STAC2: variants seen among roughly 807,000 people sequenced by gnomAD.
STAC2 encodes the protein SH3 and cysteine-rich domain-containing protein 2.
A neutral mutation model predicts 49.0 loss-of-function variants in STAC2; 36 were observed. That is an observed-to-expected ratio of 0.74 (90% CI 0.56 to 0.97). STAC2 has a LOEUF of 0.97. Among genes scored for constraint, STAC2 ranks in the 50% least tolerant of loss-of-function variants. The probability of loss-of-function intolerance (pLI) is 0.00; values close to 1 mark genes in which losing one functional copy is unlikely to be tolerated. For synonymous variants in STAC2, 239 were observed against 214.7 expected, an observed-to-expected ratio of 1.11 and a Z score of -0.99; for missense variants, 527 against 543.8, an observed-to-expected ratio of 0.97 and a Z score of 0.31.
intron 9 of STAC2, 107 bp downstream of exon 9, chr17:39,213,400 G>T: frequency 7.1e-7 from 1 of 1,407,414 alleles, no homozygotes; most frequent in African/African-American, 1.4e-5. Context: ...GGTTGGAGGA[G>T]AGGTTGTCTT....
chr17:39,218,202 G>C (rs1567832147), intron 1 of STAC2, 29 bp from the exon 2 acceptor site: 10 of 1,612,360 alleles, frequency 6.2e-6, no homozygotes, highest in African/African-American at 4.0e-5. Flanking sequence ...GCTGTGAGTG[G>C]GAGCCTAGAG....
intron 9 of STAC2, among the ~76,000 whole-genome samples, 183 bp from the exon 10 acceptor site, chr17:39,213,315 GACAA>G (rs1236325251): frequency 6.6e-6 from 1 of 152,194 alleles, no homozygotes; most frequent in Non-Finnish European, 1.5e-5. Context: ...TGAGCAGAGG[GACAA>G]AGCTGAGGCA....
intron 7 of STAC2, 76 bp downstream of exon 7, chr17:39,214,715 C>T: frequency 1.3e-6 from 2 of 1,526,958 alleles, no homozygotes; most frequent in South Asian, 2.4e-5. Flanking sequence ...TCTTGCCCCC[C>T]TATGAATCAA....
chr17:39,217,639 C>T (rs2046417466), intron 2 of STAC2, among the ~76,000 whole-genome samples: 1 of 152,054 alleles, frequency 6.6e-6, no homozygotes, highest in Admixed American at 6.6e-5. Context: ...AGGAGGATCC[C>T]TTGAGCCAGG....
chr17:39,221,391 G>A (rs377154213), intron 1 of STAC2, among the ~76,000 whole-genome samples: 10 of 152,274 alleles, frequency 6.6e-5, no homozygotes, highest in East Asian at 5.8e-4. Context: ...CAGCCACCGC[G>A]CCTGGCCAAG....
At chr17:39,214,649 G>T in intron 7 of STAC2, 142 bp downstream of exon 7, 2 of 1,170,436 alleles carry the variant, frequency 1.7e-6, no homozygotes, top group Non-Finnish European at 2.4e-6. Flanking sequence ...CTCTCATCCT[G>T]GCATTGCCCA....
intron 1 of STAC2, among the ~76,000 whole-genome samples, chr17:39,219,423 T>C (rs942900304): frequency 6.6e-6 from 1 of 152,176 alleles, no homozygotes; most frequent in African/African-American, 2.4e-5. Flanking sequence ...GAATTCTGTC[T>C]CATGACCCAC....
intron 2 of STAC2, 71 bp from the exon 3 acceptor site, chr17:39,217,244 G>T: frequency 6.8e-7 from 1 of 1,472,668 alleles, no homozygotes; most frequent in Non-Finnish European, 9.4e-7. Flanking sequence ...GCACATTAGG[G>T]GATGAGGAGA....
rs2046421623 is a variant in STAC2 at position 39,217,969 on chromosome 17, G to A, written c.295C>T (p.Pro99Ser). 3 of 1,592,140 alleles carry A rather than the reference G, an allele frequency of 1.9e-6. No homozygotes were observed. Among genetic ancestry groups the A allele is most frequent in the African/African-American group, 1.3e-5 (1 of 74,476 alleles). Reference protein sequence around the residue: ...ATPSPSPCPVPRPLAALKPVR... With the variant: ...ATPSPSPCPVSRPLAALKPVR... Reference sequence around the variant, plus strand: ...GGTTTGAGCGCTGCCAGGGGGCGTGGGACTGGGCATGGGGAGGGGGATGGG... The same window carrying A: ...GGTTTGAGCGCTGCCAGGGGGCGTGAGACTGGGCATGGGGAGGGGGATGGG... The change falls in exon 2 of 11, where the codon CCA (proline) becomes TCA (serine). Residue 99 changes from proline to serine, a missense_variant. By Grantham distance (74) the Pro-to-Ser change is moderately conservative. Coordinates refer to ENST00000333461, the MANE Select transcript of STAC2 (RefSeq NM_198993.5).
chr17:39,213,672 CTTTTTTTTTTT>C (rs767714627), intron 8 of STAC2, 114 bp from the exon 9 acceptor site: 4 of 373,566 alleles, frequency 1.1e-5, no homozygotes, highest in Admixed American at 4.3e-5. Flanking sequence ...AGAGACGATT[CTTTTTTTTTTT>C]TTTTTTTTTT....
Position 39,213,123 on chromosome 17 carries a change from C to T in STAC2, c.1003G>A (p.Gly335Ser), listed in dbSNP as rs1384132471. 1.4e-5 allele frequency: 22 copies of T among 1,608,050 alleles called. No homozygotes were observed. Among genetic ancestry groups the T allele is most frequent in the Admixed American group, 1.7e-5 (1 of 60,018 alleles). The change falls in exon 10 of 11, where the codon GGC becomes AGC. Residue 335 changes from glycine to serine, a missense_variant. Gly to Ser is a moderately conservative substitution (Grantham distance 56). Transcript: ENST00000333461. ...GCTGGGAAGAAGCCAACCCGGTCGCCGATCTTGCCCTGGGGATGAGGTTGG... is the reference window on the plus strand; with the variant it reads ...GCTGGGAAGAAGCCAACCCGGTCGCTGATCTTGCCCTGGGGATGAGGTTGG... ...SNEDWWKGKIGDRVGFFPANF... is the reference protein window; with the variant it reads ...SNEDWWKGKISDRVGFFPANF...
rs2046386617 is a variant in STAC2, at chr17:39,214,824, C to T, written c.810G>A (p.Gly270=). 1.2e-6 allele frequency: 2 copies of T among 1,614,090 alleles called. No individual in the cohort carries two copies. The highest frequency in any genetic ancestry group is 1.7e-6 in the Non-Finnish European group (2 of 1,179,984). Residue 270 remains glycine, a synonymous_variant, in exon 7 of 11, where the codon GGG becomes GGA. Transcript: ENST00000333461. ...PVFTAPAESE[G]PGPEEKSPGQ... Reference sequence around the variant, plus strand: ...CAGGACTCTTCTCCTCTGGTCCTGGCCCTTCACTCTCTGCTGGGGCTGTGA... The same window carrying T: ...CAGGACTCTTCTCCTCTGGTCCTGGTCCTTCACTCTCTGCTGGGGCTGTGA...
At chr17:39,214,731 A>G in intron 7 of STAC2, 60 bp downstream of exon 7, 2 of 1,580,182 alleles carry the variant, frequency 1.3e-6, no homozygotes, top group South Asian at 1.1e-5. Context: ...ATCAATGGCA[A>G]GGAGAAATTA....
chr17:39,214,438 G>A (rs2046383049), intron 7 of STAC2, 108 bp from the exon 8 acceptor site: 9 of 1,545,434 alleles, frequency 5.8e-6, no homozygotes, highest in Non-Finnish European at 6.1e-6. Context: ...GACACAGTGA[G>A]TCCTAGGTCA....
intron 4 of STAC2, among the ~76,000 whole-genome samples, chr17:39,215,937 C>T (rs995076348): frequency 6.6e-6 from 1 of 152,082 alleles, no homozygotes; most frequent in Non-Finnish European, 1.5e-5. Flanking sequence ...TGTGATCCGC[C>T]CGCCTCGGCC....
intron 7 of STAC2, 95 bp from the exon 8 acceptor site, chr17:39,214,425 G>A: frequency 6.3e-7 from 1 of 1,574,938 alleles, no homozygotes; most frequent in Non-Finnish European, 8.6e-7. Flanking sequence ...GGGGCTGTGA[G>A]GGGACACAGT....
At chr17:39,220,424 C>G (rs1449281851) in intron 1 of STAC2, among the ~76,000 whole-genome samples, 1 of 152,126 alleles carries the variant, frequency 6.6e-6, no homozygotes, top group East Asian at 1.9e-4. Flanking sequence ...GGCAAATCAC[C>G]CCACTTCTTC....
chr17:39,218,162 G>C lies in STAC2; in HGVS notation c.102C>G (p.Phe34Leu), dbSNP rs1231149004. The stretch of plus-strand genomic sequence containing the variant: ...TGGTCTTGAGGGAGAGGGAGCGCTT[G>C]AATCGCTGGAGCTGGGAGAAAAAGA... Reference protein sequence around the residue: ...SALQETKLQRFKRSLSLKTIL... With the variant: ...SALQETKLQRLKRSLSLKTIL... The change falls in exon 2 of 11, where the codon TTC becomes TTG. Residue 34 changes from phenylalanine (F) to leucine (L), a missense_variant. Transcript: ENST00000333461. The C allele has an allele frequency of 6.2e-7, 1 of 1,613,444 alleles. No individual in the cohort carries two copies.
In STAC2 at chr17:39,213,077, C is replaced by T; in HGVS notation, c.1049G>A (p.Arg350Lys). 1 of 1,613,378 alleles carries T rather than the reference C, an allele frequency of 6.2e-7. No homozygotes were observed. Among genetic ancestry groups the T allele is most frequent in the South Asian group, 1.1e-5 (1 of 91,088 alleles). ...FFPANFVQRVRPGENVWRCCQ... is the reference protein window; with the variant it reads ...FFPANFVQRVKPGENVWRCCQ... ...GCAGCGCCAAACATTCTCGCCTGGCCTCACCCGTTGCACAAAATTAGCTGG... is the reference window on the plus strand; with the variant it reads ...GCAGCGCCAAACATTCTCGCCTGGCTTCACCCGTTGCACAAAATTAGCTGG... Residue 350 changes from arginine to lysine, a missense_variant, in exon 10 of 11, where the codon AGG becomes AAG. Transcript: ENST00000333461.
Sources: gnomAD v4.1 joint callset for allele counts (sites outside exome capture counted in the v4.1 genomes callset) on GRCh38, gnomAD v4.1.1 for gene constraint, MANE v1.5 for transcripts, NCBI Gene and HGNC (gene_info 2026-07-23, HGNC 2026-07-21) for gene names.